The following NELL2 variants were observed in gnomAD, a reference collection of about 807,000 sequenced individuals.
NELL2 encodes protein kinase C-binding protein NELL2.
In NELL2, 41 loss-of-function variants were observed where a neutral mutation model predicts 109.6. The observed-to-expected ratio is 0.37, with a 90% CI of 0.29 to 0.49. The LOEUF (loss-of-function observed/expected upper bound fraction) is 0.49. NELL2 is among the 20% of genes least tolerant of loss of function. The pLI, the probability that NELL2 is intolerant of heterozygous loss-of-function variation, is 0.98. For synonymous variants in NELL2, 355 were observed against 344.7 expected, an observed-to-expected ratio of 1.03 and a Z score of -0.33; for missense variants, 900 against 1,008.3, an observed-to-expected ratio of 0.89 and a Z score of 1.45.
intron 9 of NELL2, among the ~76,000 whole-genome samples, chr12:44,722,157 G>A (rs1234115196): frequency 6.6e-6 from 1 of 152,048 alleles, no homozygotes; most frequent in Non-Finnish European, 1.5e-5. Flanking sequence ...GGCAAGAATG[G>A]TAACACCTGG....
At chr12:44,595,503 T>C (rs1944919975) in intron 15 of NELL2, among the ~76,000 whole-genome samples, 1 of 152,078 alleles carries the variant, frequency 6.6e-6, no homozygotes, top group African/African-American at 2.4e-5. Context: ...CTCGGCTCAC[T>C]GCAAGCTCCG....
intron 13 of NELL2, among the ~76,000 whole-genome samples, chr12:44,632,408 C>G (rs989953384): frequency 6.6e-6 from 1 of 151,966 alleles, no homozygotes; most frequent in East Asian, 1.9e-4. Flanking sequence ...GCTTTCAAAA[C>G]AAGCAGACCT....
At chr12:44,881,717 TG>T (rs1945413921) in intron 1 of NELL2, 1 of 151,966 alleles carries the variant, frequency 6.6e-6, no homozygotes, top group Non-Finnish European at 1.5e-5. Context: ...ATTTTGTTGT[TG>T]TTGTTAATCA....
At chr12:44,611,797 G>C (rs1592205168) in intron 13 of NELL2, among the ~76,000 whole-genome samples, 1 of 152,056 alleles carries the variant, frequency 6.6e-6, no homozygotes, top group East Asian at 1.9e-4. Flanking sequence ...TTCTAGCTCA[G>C]CATTCAGCAA....
chr12:44,859,720 C>G (rs370029141), intron 2 of NELL2, among the ~76,000 whole-genome samples: 5 of 152,028 alleles, frequency 3.3e-5, no homozygotes, highest in Non-Finnish European at 7.4e-5. Context: ...AATAAGCCAA[C>G]GAGAGGTGGA....
intron 15 of NELL2, among the ~76,000 whole-genome samples, chr12:44,600,547 T>C (rs111312530): frequency 0.01 from 1,565 of 152,328 alleles, 25 homozygotes; most frequent in African/African-American, 0.035. Context: ...AGCTTATCTA[T>C]ATAAAAAAAT....
At chr12:44,715,670 A>G (rs2136443732) in intron 9 of NELL2, among the ~76,000 whole-genome samples, 2 of 151,968 alleles carry the variant, frequency 1.3e-5, no homozygotes, top group Middle Eastern at 3.4e-3. Flanking sequence ...TAGATGCTTC[A>G]GGTCCCCATA....
chr12:44,744,240 C>T (rs1209226502), intron 9 of NELL2, among the ~76,000 whole-genome samples: 1 of 152,174 alleles, frequency 6.6e-6, no homozygotes, highest in East Asian at 1.9e-4. Context: ...TAAAGATGTT[C>T]TTTGAAACCA....
chr12:44,741,002 G>A (rs760415679), intron 9 of NELL2, among the ~76,000 whole-genome samples: 4 of 152,106 alleles, frequency 2.6e-5, no homozygotes, highest in Non-Finnish European at 5.9e-5. Flanking sequence ...CTGTTTCAAA[G>A]TACAGTTGAT....
intron 9 of NELL2, among the ~76,000 whole-genome samples, chr12:44,734,244 T>A (rs1170609463): frequency 1.3e-5 from 2 of 151,956 alleles, no homozygotes; most frequent in Non-Finnish European, 2.9e-5. Context: ...GTAATTCTAG[T>A]AATGCCTTTT....
At chr12:44,903,560 A>G (rs992765515) in intron 1 of NELL2, among the ~76,000 whole-genome samples, 1 of 152,204 alleles carries the variant, frequency 6.6e-6, no homozygotes, top group African/African-American at 2.4e-5. Context: ...AGGATTATAA[A>G]TCATTCTACT....
chr12:44,788,641 G>A (rs1942268926), intron 3 of NELL2, among the ~76,000 whole-genome samples: 1 of 152,182 alleles, frequency 6.6e-6, no homozygotes, highest in Non-Finnish European at 1.5e-5. Context: ...AACAATTTAA[G>A]CTGGGCGAGA....
At chr12:44,553,676 T>C (rs1943129658) in intron 15 of NELL2, among the ~76,000 whole-genome samples, 1 of 152,140 alleles carries the variant, frequency 6.6e-6, no homozygotes. Context: ...TATATGGGTA[T>C]CGAAAATCAC....
chr12:44,785,392 C>T (rs993862401), intron 3 of NELL2, among the ~76,000 whole-genome samples: 12 of 151,938 alleles, frequency 7.9e-5, no homozygotes, highest in African/African-American at 1.7e-4. Flanking sequence ...CACAAACAAA[C>T]GGAAAAACAT....
At chr12:44,522,935 G>A (rs1049785607) in intron 17 of NELL2, 23 of 208,856 alleles carry the variant, frequency 1.1e-4, no homozygotes, top group African/African-American at 4.2e-4. Context: ...GTATTAAAAA[G>A]AAATGGATTA....
At chr12:44,792,383 G>A (rs982535139) in intron 3 of NELL2, among the ~76,000 whole-genome samples, 15 of 151,980 alleles carry the variant, frequency 9.9e-5, no homozygotes, top group African/African-American at 3.4e-4. Context: ...AATACTATAC[G>A]TGCTTGTATG....
In NELL2 at chr12:44,895,203, G is replaced by T. The variant is rs939520664; in HGVS notation, c.38+18596C>A. On this transcript the variant is annotated intron_variant, in intron 1 of 20. Coordinates refer to the NELL2 transcript ENST00000333837. ...AGAGAACTCTGCAGGCTGGATTTTTGCTGTGGTGTCAGAAGAGCATCTATT... is the reference window on the plus strand; with the variant it reads ...AGAGAACTCTGCAGGCTGGATTTTTTCTGTGGTGTCAGAAGAGCATCTATT... Among the ~76,000 whole-genome samples, 9 of 152,102 alleles carry T rather than the reference G, an allele frequency of 5.9e-5. No individual in the cohort carries two copies. In the South Asian group the frequency reaches 1.7e-3, roughly 28 times the overall value.
At chr12:44,899,086 C>A (rs914610086) in intron 1 of NELL2, among the ~76,000 whole-genome samples, 6 of 150,436 alleles carry the variant, frequency 4.0e-5, no homozygotes, top group East Asian at 2.0e-4. Context: ...ACAAAAAAAA[C>A]AAAGCCTCCA....
At chr12:44,807,111 T>C (rs1227676003) in intron 3 of NELL2, among the ~76,000 whole-genome samples, 2 of 151,552 alleles carry the variant, frequency 1.3e-5, no homozygotes, top group African/African-American at 2.4e-5. Flanking sequence ...GAGGAAGATA[T>C]TAAGTGAAAT....
Sources: gnomAD v4.1 joint callset for allele counts (sites outside exome capture counted in the v4.1 genomes callset) on GRCh38, gnomAD v4.1.1 for gene constraint, MANE v1.5 for transcripts, NCBI Gene and HGNC (gene_info 2026-07-23, HGNC 2026-07-21) for gene names.